NISCH: variants seen among roughly 807,000 people sequenced by gnomAD.
NISCH encodes the protein I-1 receptor candidate protein.
A neutral mutation model predicts 138.4 loss-of-function variants in NISCH; 55 were observed. The observed-to-expected ratio is 0.40, with a 90% CI of 0.32 to 0.50. The LOEUF is 0.50. Among genes scored for constraint, NISCH ranks in the 20% least tolerant of loss-of-function variants. NISCH has a pLI of 0.71. For missense variants in NISCH, 1,643 were observed against 2,005.5 expected (o/e 0.82, Z 3.45); for synonymous variants, 860 against 861.5 (o/e 1.00, Z 0.03).
intron 9 of NISCH, 78 bp from the exon 10 acceptor site, chr3:52,478,019 A>G: frequency 6.7e-7 from 1 of 1,489,046 alleles, no homozygotes; most frequent in Non-Finnish European, 9.2e-7. Flanking sequence ...TGGAAGGCCC[A>G]TCCTGCCATT....
In NISCH at chr3:52,472,284, G is replaced by A. The variant is rs748011068; in HGVS notation, c.574-19G>A. ...GCATGCGACACTGTTCCCAATTTAA[G>A]CCTTATCTTTGGCTTCAGGTTTCTG... On this transcript the variant is annotated intron_variant, in intron 5 of 20. Transcript: ENST00000345716. 7 of 1,612,048 alleles carry A rather than the reference G, an allele frequency of 4.3e-6. No individual in the cohort carries two copies. The Admixed American group carries it at 5.0e-5, about 12-fold the overall frequency.
At position 52,485,793 on chromosome 3, in the gene NISCH, T is replaced by G; in HGVS notation, c.1669T>G (p.Leu557Val). 1 of 1,583,668 alleles carries G rather than the reference T, an allele frequency of 6.3e-7. No individual in the cohort carries two copies. Among genetic ancestry groups the G allele is most frequent in the Non-Finnish European group, 8.6e-7 (1 of 1,163,408 alleles). The part of the protein sequence containing the change: ...IPAGQAASDD[L>V]RDVPGAVGGA... ...TCTCCATCAGGCAGCTTCCGATGAT[T>G]TAAGGGACGTGCCAGGAGCTGTTGG... The change falls in exon 15 of 21, where the codon TTA becomes GTA. Residue 557 changes from leucine (L) to valine (V), a missense_variant. By Grantham distance (32) the Leu-to-Val change is conservative. Coordinates refer to ENST00000345716, the MANE Select transcript of NISCH (RefSeq NM_007184.4).
At position 52,484,501 on chromosome 3, in the gene NISCH, T is replaced by C. The variant is rs757497231; in HGVS notation, c.1529-12T>C. 10 of 487,832 alleles carry C rather than the reference T, an allele frequency of 2.0e-5. No individual in the cohort carries two copies. The highest frequency in any genetic ancestry group is 2.1e-5 in the Non-Finnish European group (8 of 375,766). 30.2% of individuals were successfully genotyped at this position (487,832 alleles called of 1,614,324 possible). A position where few individuals can be genotyped will look rare whatever the true frequency, so the allele number is the denominator to read the frequency against. ...ACCCTGCCTGCCTGCCCACCCGCCC[T>C]GGTCTCTCCAGGAATCATGTTCGTT... On this transcript the variant is annotated splice_polypyrimidine_tract_variant and intron_variant, in intron 13 of 20. Transcript: ENST00000345716.
Position 52,491,228 on chromosome 3 carries a change from G to C in NISCH, c.3743-124G>C, listed in dbSNP as rs1296783649. On this transcript the variant is annotated intron_variant, in intron 19 of 20. Transcript: ENST00000345716. The stretch of plus-strand genomic sequence containing the variant: ...CTCCCGGGCCCCATGATTCTTTCCT[G>C]TGTGGGCCCTCCTGGCCCTGGCCTC... 50 of 1,413,684 alleles carry C rather than the reference G, an allele frequency of 3.5e-5. No homozygotes were observed. In the Admixed American group the frequency reaches 1.4e-3, roughly 39 times the overall value. The allele number at this position is 1,413,684 out of a possible 1,614,324, so 87.6% of individuals were successfully genotyped here.
chr3:52,456,933 T>A (rs1706491150), intron 1 of NISCH, among the ~76,000 whole-genome samples: 1 of 152,186 alleles, frequency 6.6e-6, no homozygotes, highest in Admixed American at 6.5e-5. Context: ...GCTCACCCTA[T>A]TCTGGACTGC....
At chr3:52,464,468 A>G (rs1291911141) in intron 3 of NISCH, among the ~76,000 whole-genome samples, 2 of 150,064 alleles carry the variant, frequency 1.3e-5, no homozygotes, top group Non-Finnish European at 3.0e-5. Context: ...TATTCTGGCT[A>G]CTAGACTTTT....
intron 11 of NISCH, among the ~76,000 whole-genome samples, chr3:52,478,932 G>A (rs1226590810): frequency 2.0e-5 from 3 of 152,066 alleles, no homozygotes; most frequent in Admixed American, 1.3e-4. Flanking sequence ...TGCCCCTCGC[G>A]GTGTCTGTGC....
Position 52,492,601 on chromosome 3 carries a change from G to T in NISCH, c.*119G>T. ...TTGGTACCTTAATTTGACTGTCCTC[G>T]CAGAGAATGTGAACATGTGTGTGTG... On this transcript the variant is annotated 3_prime_UTR_variant, in exon 21 of 21. Coordinates refer to ENST00000345716, the MANE Select transcript of NISCH (RefSeq NM_007184.4). The T allele has an allele frequency of 8.1e-7, 1 of 1,229,774 alleles. No individual in the cohort carries two copies. The highest frequency in any genetic ancestry group is 1.1e-6 in the Non-Finnish European group (1 of 911,484). 76.2% of individuals were successfully genotyped at this position (1,229,774 alleles called of 1,614,324 possible).
At position 52,462,038 on chromosome 3, in the gene NISCH, C is replaced by A. The variant is rs113058288; in HGVS notation, c.360+3194C>A. On this transcript the variant is annotated intron_variant, in intron 3 of 20. Transcript: ENST00000345716. ...GTGCCTGGCTCTGAGGGTGGAAAGG[C>A]CTGGACTGCTCTTTTGAAACTGGTT... is the stretch of plus-strand genomic sequence containing the variant. Among the ~76,000 whole-genome samples the A allele has an allele frequency of 9.6e-3, 1,467 of 152,152 alleles. 5 individuals carry two copies. The highest frequency in any genetic ancestry group is 0.015 in the Non-Finnish European group (1,002 of 67,992).
intron 1 of NISCH, among the ~76,000 whole-genome samples, chr3:52,457,076 T>C (rs2153230354): frequency 6.6e-6 from 1 of 152,358 alleles, no homozygotes; most frequent in South Asian, 2.1e-4. Context: ...GTCAGGCCCA[T>C]GTACAAAGCA....
intron 3 of NISCH, among the ~76,000 whole-genome samples, chr3:52,466,531 C>T (rs1406827320): frequency 6.8e-6 from 1 of 146,564 alleles, no homozygotes; most frequent in East Asian, 2.0e-4. Flanking sequence ...CGCCATTGCA[C>T]TCAGCATGGG....
intron 4 of NISCH, chr3:52,471,514 C>G: frequency 3.9e-6 from 2 of 509,500 alleles, no homozygotes; most frequent in South Asian, 4.7e-5. Flanking sequence ...TGCTGTCCCT[C>G]TCCGCAGCCT....
chr3:52,489,246 G>GCA, intron 16 of NISCH, 90 bp from the exon 17 acceptor site: 2 of 1,445,122 alleles, frequency 1.4e-6, no homozygotes, highest in Non-Finnish European at 1.9e-6. Context: ...GATGTGTGAT[G>GCA]CACACAGTCT....
At chr3:52,471,509 T>C (rs929529) in intron 4 of NISCH, 475,228 of 496,104 alleles carry the variant, frequency 0.96, 227,750 homozygotes, top group African/African-American at 0.99. Flanking sequence ...CAGAATGCTG[T>C]CCCTCTCCGC....
intron 4 of NISCH, chr3:52,471,454 A>T (rs1706943969): frequency 5.5e-6 from 2 of 362,050 alleles, no homozygotes; most frequent in South Asian, 6.2e-5. Flanking sequence ...CCTGCGCCTG[A>T]CCTGGGTGTT....
intron 4 of NISCH, chr3:52,471,537 G>A (rs1706946308): frequency 3.6e-6 from 2 of 548,780 alleles, no homozygotes; most frequent in Admixed American, 6.7e-5. Flanking sequence ...CTCTGGCCCA[G>A]TGCCTTTGGT....
chr3:52,487,701 G>T lies in NISCH; in HGVS notation c.2209G>T (p.Ala737Ser). ...CCTTGTGCTCACCGACTTCGGCATC[G>T]CAGTCTTCGAGATCCCGCACCAGGA... is the stretch of plus-strand genomic sequence containing the variant. ...ACLVLTDFGIAVFEIPHQESR... is the reference protein window; with the variant it reads ...ACLVLTDFGISVFEIPHQESR... The change falls in exon 16 of 21, where the codon GCA becomes TCA. Residue 737 changes from alanine (A) to serine (S), a missense_variant. By Grantham distance (99) the Ala-to-Ser change is moderately conservative. Transcript: ENST00000345716. This position sits in a 1 kb window ranked among gnomAD's most constrained non-coding sequence, Gnocchi z 9.1. 6.2e-7 allele frequency: 1 copy of T among 1,613,622 alleles called. No individual in the cohort carries two copies. The highest frequency in any genetic ancestry group is 8.5e-7 in the Non-Finnish European group (1 of 1,179,992).
intron 13 of NISCH, among the ~76,000 whole-genome samples, chr3:52,482,474 G>C (rs962461854): frequency 6.6e-6 from 1 of 152,166 alleles, no homozygotes; most frequent in Non-Finnish European, 1.5e-5. Context: ...GCCAGGGCTC[G>C]GTCAGCTGAG....
intron 6 of NISCH, 87 bp from the exon 7 acceptor site, chr3:52,473,647 T>C: frequency 1.1e-6 from 1 of 887,612 alleles, no homozygotes; most frequent in Non-Finnish European, 1.7e-6. Flanking sequence ...CATTGTGCTT[T>C]TGTATGGGGG....
Sources: gnomAD v4.1 joint callset for allele counts (sites outside exome capture counted in the v4.1 genomes callset) on GRCh38, gnomAD v4.1.1 for gene constraint, Gnocchi (gnomAD v3.1) non-coding constraint, MANE v1.5 for transcripts, NCBI Gene and HGNC (gene_info 2026-07-23, HGNC 2026-07-21) for gene names.